TRDN: variants seen among roughly 807,000 people sequenced by gnomAD.
TRDN encodes the protein triadin.
Under a neutral mutation model 149.7 loss-of-function variants are expected in TRDN, and 161 were observed. That is an observed-to-expected ratio of 1.08 (90% CI 0.95 to 1.23). TRDN has a LOEUF of 1.23. TRDN is among the 50% of genes most tolerant of loss of function. TRDN has a pLI of 0.00. For missense variants in TRDN, 896 were observed against 823.5 expected (o/e 1.09, Z -1.08); for synonymous variants, 294 against 250.5 (o/e 1.17, Z -1.64).
chr6:123,286,044 A>C (rs1416740810), intron 24 of TRDN, among the ~76,000 whole-genome samples: 1 of 152,156 alleles, frequency 6.6e-6, no homozygotes, highest in Non-Finnish European at 1.5e-5. Context: ...TCATGGATGC[A>C]GTGAAAAGAG....
Position 123,438,829 on chromosome 6 carries a change from C to T in TRDN, c.991+115G>A, listed in dbSNP as rs905540634. On this transcript the variant is annotated intron_variant, in intron 11 of 40. Transcript: ENST00000334268. ...ACATGTTAAGAGTGTTCACTAATAA[C>T]AATGACAATGCATTTATTAAGGGAA... The T allele has an allele frequency of 9.2e-6, 7 of 759,520 alleles. No individual in the cohort carries two copies. In the Admixed American group the frequency reaches 1.3e-4, roughly 15 times the overall value. 47.0% of individuals were successfully genotyped at this position (759,520 alleles called of 1,614,324 possible).
chr6:123,294,242 GA>G (rs1405545029), intron 24 of TRDN, among the ~76,000 whole-genome samples: 1 of 152,128 alleles, frequency 6.6e-6, no homozygotes, highest in Non-Finnish European at 1.5e-5. Context: ...TGGTTACATA[GA>G]TATAACCAGG....
At chr6:123,284,125 G>A (rs1306471254) in intron 24 of TRDN, among the ~76,000 whole-genome samples, 3 of 132,160 alleles carry the variant, frequency 2.3e-5, no homozygotes, top group Non-Finnish European at 3.2e-5. Context: ...GACATTATTC[G>A]ACAAGACAGA....
intron 10 of TRDN, among the ~76,000 whole-genome samples, chr6:123,458,395 C>T (rs371307586): frequency 4.6e-5 from 7 of 152,202 alleles, no homozygotes; most frequent in African/African-American, 1.7e-4. Flanking sequence ...AGATTACCCT[C>T]TGTAATGTGG....
At chr6:123,446,086 G>C (rs1157452285) in intron 10 of TRDN, among the ~76,000 whole-genome samples, 1 of 151,598 alleles carries the variant, frequency 6.6e-6, no homozygotes, top group African/African-American at 2.4e-5. Flanking sequence ...GTTCTTTGTA[G>C]GGACATGGAT....
In TRDN at chr6:123,393,634, A is replaced by G; in HGVS notation, c.1095T>C (p.Ile365=). ...TGTTTTATTGCTTACCTTGTGCTGC[A>G]ATTTTTACAGTCCCTTGTTTGGTTT... ...ASETKQGTVK[I]AAQAAAKKDE... The change falls in exon 13 of 41, where the codon ATT becomes ATC. Residue 365 remains isoleucine (I), a synonymous_variant. Transcript: ENST00000334268. 1 of 1,605,314 alleles carries G rather than the reference A, an allele frequency of 6.2e-7. No homozygotes were observed. Among genetic ancestry groups the G allele is most frequent in the Non-Finnish European group, 8.5e-7 (1 of 1,175,134 alleles).
intron 1 of TRDN, among the ~76,000 whole-genome samples, chr6:123,600,665 G>A (rs1784238076): frequency 6.6e-6 from 1 of 152,048 alleles, no homozygotes; most frequent in African/African-American, 2.4e-5. Context: ...GATATGAAGT[G>A]CATTCAGTTT....
At chr6:123,623,191 T>C (rs6569353) in intron 1 of TRDN, among the ~76,000 whole-genome samples, 69,422 of 151,754 alleles carry the variant, frequency 0.46, 19,059 homozygotes, top group African/African-American at 0.78. Context: ...TCCCTTTCTA[T>C]TATAGAATTA....
intron 9 of TRDN, among the ~76,000 whole-genome samples, chr6:123,485,173 C>T (rs1395680473): frequency 6.6e-6 from 1 of 152,136 alleles, no homozygotes; most frequent in Non-Finnish European, 1.5e-5. Context: ...GGCTCGCTCT[C>T]ATTTCTTCTC....
Position 123,382,158 on chromosome 6 carries a change from A to T in TRDN, c.1136-11T>A. 6.7e-7 allele frequency: 1 copy of T among 1,495,572 alleles called. No individual in the cohort carries two copies. The highest frequency in any genetic ancestry group is 1.3e-5 in the South Asian group (1 of 76,366). 92.6% of individuals were successfully genotyped at this position (1,495,572 alleles called of 1,614,324 possible). On this transcript the variant is annotated splice_polypyrimidine_tract_variant and intron_variant, in intron 14 of 40. Coordinates refer to ENST00000334268, the MANE Select transcript of TRDN (RefSeq NM_006073.4). ...TTGTTTTCTTGGAATCTGAAAACAC[A>T]AAGATAAATTATTAATAAAACAGAT...
chr6:123,279,024 G>A (rs184264971), intron 25 of TRDN, 32 bp downstream of exon 25: 555 of 1,593,572 alleles, frequency 3.5e-4, no homozygotes, highest in Admixed American at 1.0e-3. Context: ...ACATATGTAC[G>A]TGTTTGTTTA....
chr6:123,595,707 AGTGATCT>A (rs1314809926), intron 1 of TRDN, among the ~76,000 whole-genome samples: 1 of 152,072 alleles, frequency 6.6e-6, no homozygotes, highest in Non-Finnish European at 1.5e-5. Flanking sequence ...CATCTGTTAC[AGTGATCT>A]GTGATCAGTG....
chr6:123,469,237 T>C (rs1043496273), intron 9 of TRDN, among the ~76,000 whole-genome samples: 1 of 152,218 alleles, frequency 6.6e-6, no homozygotes, highest in Admixed American at 6.5e-5. Flanking sequence ...GATGGTTTTA[T>C]ATTTTAGGCT....
At position 123,352,683 on chromosome 6, in the gene TRDN, T is replaced by G. The variant is rs1042877414; in HGVS notation, c.1322-97A>C. The G allele has an allele frequency of 9.6e-6, 14 of 1,452,254 alleles. No homozygotes were observed. The East Asian group carries it at 2.6e-4, about 27-fold the overall frequency. The allele number at this position is 1,452,254 out of a possible 1,614,324, so 90.0% of individuals were successfully genotyped here. On this transcript the variant is annotated intron_variant, in intron 20 of 40. Transcript: ENST00000334268. ...TGGAGTTCTTTCAATGCTAAATCTT[T>G]CTTTTACACAAGTTATTTTGAAGCT... is the stretch of plus-strand genomic sequence containing the variant.
At chr6:123,514,631 AAC>A (rs60716520) in intron 6 of TRDN, among the ~76,000 whole-genome samples, 17,778 of 147,454 alleles carry the variant, frequency 0.12, 1,047 homozygotes, top group Middle Eastern at 0.16. Context: ...ACATACCCAA[AAC>A]ACACACACAC....
At chr6:123,319,220 C>A (rs968522689) in intron 23 of TRDN, among the ~76,000 whole-genome samples, 4 of 151,560 alleles carry the variant, frequency 2.6e-5, no homozygotes, top group African/African-American at 9.7e-5. Context: ...AAGTAATTTT[C>A]TCTTTTTTTT....
At chr6:123,303,090 C>A (rs191089964) in intron 24 of TRDN, among the ~76,000 whole-genome samples, 1 of 152,100 alleles carries the variant, frequency 6.6e-6, no homozygotes, top group African/African-American at 2.4e-5. Flanking sequence ...TTTAAAGAAG[C>A]TGAGACTTAG....
chr6:123,472,910 A>G (rs1308687489), intron 9 of TRDN, among the ~76,000 whole-genome samples: 1 of 152,194 alleles, frequency 6.6e-6, no homozygotes, highest in Non-Finnish European at 1.5e-5. Flanking sequence ...AAACTAACAA[A>G]CAGAAAGGAC....
In TRDN at chr6:123,371,697, G is replaced by A. The variant is rs146076082; in HGVS notation, c.1273+3908C>T. ...GTGTCAACCTTGATGAACATTCTTG[G>A]ACTCTGAACCATGGCATTTTCAGTT... is the stretch of plus-strand genomic sequence containing the variant. On this transcript the variant is annotated intron_variant, in intron 19 of 40. Transcript: ENST00000334268. 5.6e-3 allele frequency among the ~76,000 whole-genome samples: 858 copies of A among 152,044 alleles called. 9 individuals are homozygous for A. Among genetic ancestry groups the A allele is most frequent in the African/African-American group, 0.019 (803 of 41,486 alleles).
Sources: gnomAD v4.1 joint callset for allele counts (sites outside exome capture counted in the v4.1 genomes callset) on GRCh38, gnomAD v4.1.1 for gene constraint, MANE v1.5 for transcripts, NCBI Gene and HGNC (gene_info 2026-07-23, HGNC 2026-07-21) for gene names.